Variants in KLHL4 observed in about 807,000 individuals in gnomAD.
The protein encoded by KLHL4 is kelch-like protein 4.
Under a neutral mutation model 45.8 loss-of-function variants are expected in KLHL4, and 17 were observed. The ratio of observed to expected loss-of-function variants is 0.37; its 90% CI spans 0.25 to 0.56. The LOEUF (loss-of-function observed/expected upper bound fraction) is 0.56. Among genes scored for constraint, KLHL4 ranks in the 20% least tolerant of loss-of-function variants. The pLI is 0.79. For synonymous variants in KLHL4, 224 were observed against 189.9 expected (o/e 1.18, Z -1.47); for missense variants, 544 against 544.9 (o/e 1.00, Z 0.02).
intron 1 of KLHL4, among the ~76,000 whole-genome samples, chrX:87,552,276 C>A (rs574657501): frequency 9.0e-5 from 10 of 110,984 alleles, no homozygotes; most frequent in Non-Finnish European, 3.8e-5. Flanking sequence ...AAATGGCCAA[C>A]AAACATATAA....
At chrX:87,568,391 C>CTTTTTTTTTTTTTTT (rs58586775) in intron 1 of KLHL4, among the ~76,000 whole-genome samples, 3 of 57,501 alleles carry the variant, frequency 5.2e-5, no homozygotes, top group African/African-American at 7.5e-5. Flanking sequence ...TTCTTTTTTT[C>CTTTTTTTTTTTTTTT]TTTTTTTTTT....
rs1350601896 is a variant in KLHL4, at chrX:87,541,475, AG to A, written c.422+23161del. The stretch of plus-strand genomic sequence containing the variant: ...CACTGCACTCCAGCCTGGGTGACAG[AG>A]AGAGACTCCATCTCACAAAAAAAAA... On this transcript the variant is annotated intron_variant, in intron 1 of 10. Transcript: ENST00000373119. Among the ~76,000 whole-genome samples, 292 of 53,910 alleles carry A rather than the reference AG, an allele frequency of 5.4e-3. 1 individual carries two copies. The highest frequency in any genetic ancestry group is 0.023 in the African/African-American group (286 of 12,377). 46.8% of individuals were successfully genotyped at this position (53,910 alleles called of 115,157 possible). A position where few individuals can be genotyped will look rare whatever the true frequency, so the allele number is the denominator to read the frequency against.
At chrX:87,584,700 A>T (rs759373006) in intron 1 of KLHL4, among the ~76,000 whole-genome samples, 2 of 110,460 alleles carry the variant, frequency 1.8e-5, no homozygotes, top group Admixed American at 1.9e-4. Context: ...ATAGAAAACA[A>T]TGAAGCACAC....
intron 4 of KLHL4, among the ~76,000 whole-genome samples, chrX:87,620,746 T>C (rs1289439425): frequency 8.9e-6 from 1 of 112,435 alleles, no homozygotes; most frequent in Non-Finnish European, 1.9e-5. Flanking sequence ...ATCCAGACTT[T>C]GCCACTTACT....
intron 9 of KLHL4, among the ~76,000 whole-genome samples, chrX:87,656,579 C>A (rs915258108): frequency 5.6e-5 from 6 of 107,657 alleles, no homozygotes; most frequent in Non-Finnish European, 7.7e-5. Flanking sequence ...GCAAATTTAT[C>A]ATTCATATCC....
intron 1 of KLHL4, among the ~76,000 whole-genome samples, chrX:87,532,268 G>T (rs1931307860): frequency 9.1e-6 from 1 of 110,084 alleles, no homozygotes; most frequent in Non-Finnish European, 1.9e-5. Flanking sequence ...ATTTCTGAGG[G>T]CTCTGTTCTG....
Position 87,669,403 on chromosome X carries a change from C to A in KLHL4, c.*2869C>A, listed in dbSNP as rs754894783. ...AGACTCTGGGGCACTAAATTCAGAT[C>A]CTTTCTCCACACAGCAATGACATTT... On this transcript the variant is annotated 3_prime_UTR_variant, in exon 11 of 11. Transcript: ENST00000373119. 8.3e-7 allele frequency: 1 copy of A among 1,208,701 alleles called. No individual in the cohort carries two copies. The highest frequency in any genetic ancestry group is 1.8e-5 in the South Asian group (1 of 56,655).
intron 9 of KLHL4, among the ~76,000 whole-genome samples, chrX:87,642,621 C>A (rs1021866500): frequency 8.9e-6 from 1 of 111,735 alleles, no homozygotes. Flanking sequence ...CAGAAAAAGG[C>A]GAAGCCCAAT....
chrX:87,597,762 G>A (rs766320967), intron 1 of KLHL4, among the ~76,000 whole-genome samples: 4 of 111,448 alleles, frequency 3.6e-5, no homozygotes, highest in Non-Finnish European at 7.6e-5. Flanking sequence ...CTGTGCACCT[G>A]TGTTGTTATG....
rs1602465687 is a variant in KLHL4 at position 87,651,928 on chromosome X, CT to C, written c.1926-12835del. 1.8e-5 allele frequency among the ~76,000 whole-genome samples: 2 copies of C among 112,593 alleles called. 1 individual carries two copies. The highest frequency in any genetic ancestry group is 1.9e-4 in the Admixed American group (2 of 10,688). On this transcript the variant is annotated intron_variant, in intron 9 of 10. Coordinates refer to ENST00000373119, the MANE Select transcript of KLHL4 (RefSeq NM_019117.5). The stretch of plus-strand genomic sequence containing the variant: ...CTTCTGCACTGCCCTAGCAGAGGTT[CT>C]CTTTGAGGGCCCTATTCCTGCAACA...
intron 9 of KLHL4, among the ~76,000 whole-genome samples, chrX:87,637,694 A>T (rs1319883856): frequency 8.9e-6 from 1 of 112,159 alleles, no homozygotes; most frequent in African/African-American, 3.2e-5. Flanking sequence ...CATAACTATA[A>T]TCCCAGCACT....
chrX:87,583,132 T>C (rs1306961195), intron 1 of KLHL4, among the ~76,000 whole-genome samples: 2 of 112,476 alleles, frequency 1.8e-5, no homozygotes, highest in Non-Finnish European at 3.7e-5. Context: ...ATCCTCTTGC[T>C]AGCTACAGGG....
intron 1 of KLHL4, among the ~76,000 whole-genome samples, chrX:87,559,487 T>C (rs1932050159): frequency 8.9e-6 from 1 of 111,975 alleles, no homozygotes; most frequent in Non-Finnish European, 1.9e-5. Context: ...TTCAATTTTA[T>C]ATATCAAGAT....
chrX:87,619,230 A>G (rs1259536312), intron 4 of KLHL4, among the ~76,000 whole-genome samples: 1 of 112,119 alleles, frequency 8.9e-6, no homozygotes, highest in African/African-American at 3.2e-5. Context: ...TTGAAATCAT[A>G]AATAAAAGTA....
Position 87,669,489 on chromosome X carries a change from A to T in KLHL4, c.*2955A>T. ...TGATATGGAGGGAACACTGAAAGAC[A>T]GTTTCCTTCTGGAGTTCCAAATGCA... On this transcript the variant is annotated 3_prime_UTR_variant, in exon 11 of 11. Transcript: ENST00000373119. 1 of 1,049,321 alleles carries T rather than the reference A, an allele frequency of 9.5e-7. No individual in the cohort carries two copies. The highest frequency in any genetic ancestry group is 1.3e-6 in the Non-Finnish European group (1 of 790,236). 86.5% of individuals were successfully genotyped at this position (1,049,321 alleles called of 1,213,427 possible).
chrX:87,587,911 A>G (rs1210727349), intron 1 of KLHL4, among the ~76,000 whole-genome samples: 1 of 111,668 alleles, frequency 9.0e-6, no homozygotes, highest in African/African-American at 3.2e-5. Flanking sequence ...AACCTAAAGG[A>G]TCCACAAGAA....
chrX:87,599,785 C>T lies in KLHL4; in HGVS notation c.423-14092C>T, dbSNP rs1332529178. 1.4e-4 allele frequency among the ~76,000 whole-genome samples: 16 copies of T among 111,778 alleles called. No homozygotes were observed. In the Admixed American group the frequency reaches 1.5e-3, roughly 11 times the overall value. On this transcript the variant is annotated intron_variant, in intron 1 of 10. Transcript: ENST00000373119. ...TTATTTTAGTTCACCACTACTACCT[C>T]TCTCACTCTTCCATCCATGGCTCTA...
Position 87,668,989 on chromosome X carries a change from C to G in KLHL4, c.*2455C>G, listed in dbSNP as rs926194990. On this transcript the variant is annotated 3_prime_UTR_variant, in exon 11 of 11. Transcript: ENST00000373119. ...AGATATGAGCCATCAGAATAGAGAC[C>G]TGCAGAGGCCCAGGGCACTCAAACA... 38 of 787,075 alleles carry G rather than the reference C, an allele frequency of 4.8e-5. No individual in the cohort carries two copies. Among genetic ancestry groups the G allele is most frequent in the Non-Finnish European group, 5.3e-5 (35 of 661,687 alleles). The allele number at this position is 787,075 out of a possible 1,213,427, so 64.9% of individuals were successfully genotyped here.
At chrX:87,638,417 G>A in intron 9 of KLHL4, among the ~76,000 whole-genome samples, 1 of 111,358 alleles carries the variant, frequency 9.0e-6, no homozygotes. Context: ...TCAAAACAAA[G>A]GAAATAATCT....
Sources: allele counts gnomAD v4.1 joint callset (sites outside exome capture counted in the v4.1 genomes callset), GRCh38; gene constraint gnomAD v4.1.1; transcripts MANE v1.5; gene names NCBI Gene and HGNC (gene_info 2026-07-23, HGNC 2026-07-21).